The following CACNA2D2 variants were observed in gnomAD, a reference collection of about 807,000 sequenced individuals.
The protein encoded by CACNA2D2 is voltage-dependent calcium channel subunit alpha-2/delta-2.
In CACNA2D2, 48 loss-of-function variants were observed where a neutral mutation model predicts 166.4. The observed-to-expected ratio is 0.29, with a 90% CI of 0.23 to 0.37. CACNA2D2 has a LOEUF of 0.37. Among genes scored for constraint, CACNA2D2 ranks in the 10% least tolerant of loss-of-function variants. The probability of loss-of-function intolerance (pLI) is 1.00; values close to 1 mark genes in which losing one functional copy is unlikely to be tolerated. For synonymous variants in CACNA2D2, 561 were observed against 573.7 expected (o/e 0.98, Z 0.32); for missense variants, 1,122 against 1,433.0 (o/e 0.78, Z 3.50).
intron 2 of CACNA2D2, among the ~76,000 whole-genome samples, chr3:50,442,790 G>C (rs890382949): frequency 2.6e-5 from 4 of 152,180 alleles, no homozygotes; most frequent in African/African-American, 4.8e-5. Flanking sequence ...GGGGTAGAGG[G>C]AGGAGGGCAT....
intron 2 of CACNA2D2, among the ~76,000 whole-genome samples, chr3:50,438,261 G>A (rs531359245): frequency 1.2e-4 from 18 of 152,174 alleles, no homozygotes; most frequent in African/African-American, 4.3e-4. Context: ...CTCAGCTGGT[G>A]CCCTCCTCCC....
intron 3 of CACNA2D2, among the ~76,000 whole-genome samples, chr3:50,396,105 C>G (rs765151335): frequency 3.3e-5 from 5 of 152,222 alleles, no homozygotes; most frequent in African/African-American, 1.2e-4. Context: ...CTCCGTGATG[C>G]CTCCCATGTC....
intron 23 of CACNA2D2, among the ~76,000 whole-genome samples, chr3:50,369,088 C>T (rs987735292): frequency 6.6e-6 from 1 of 152,226 alleles, no homozygotes; most frequent in Non-Finnish European, 1.5e-5. Flanking sequence ...GGGTCTCAGG[C>T]CCCACTCTCT....
At chr3:50,454,705 T>A (rs575731997) in intron 2 of CACNA2D2, among the ~76,000 whole-genome samples, 5 of 149,186 alleles carry the variant, frequency 3.4e-5, no homozygotes, top group South Asian at 2.1e-4. Flanking sequence ...TAAAAAAAAA[T>A]TTTTTTTTTG....
At chr3:50,421,508 C>A (rs180771493) in intron 3 of CACNA2D2, among the ~76,000 whole-genome samples, 7 of 152,156 alleles carry the variant, frequency 4.6e-5, no homozygotes, top group African/African-American at 1.4e-4. Flanking sequence ...TTACTACTAA[C>A]CTGCTGGGCC....
chr3:50,372,513 T>A (rs913479008), intron 22 of CACNA2D2, among the ~76,000 whole-genome samples: 4 of 152,162 alleles, frequency 2.6e-5, no homozygotes, highest in African/African-American at 9.7e-5. Flanking sequence ...GGCCCCAGCA[T>A]CAGGGCGTGA....
Position 50,379,616 on chromosome 3 carries a change from G to A in CACNA2D2, c.994-26C>T. 1.2e-6 allele frequency: 2 copies of A among 1,613,080 alleles called. No homozygotes were observed. The highest frequency in any genetic ancestry group is 1.7e-6 in the Non-Finnish European group (2 of 1,179,402). ...CTGCAGGAACAGTAGGGTGGTGAGTGGCCTCAGGCTGGCCGGGGTAGGCAG... is the reference window on the plus strand; with the variant it reads ...CTGCAGGAACAGTAGGGTGGTGAGTAGCCTCAGGCTGGCCGGGGTAGGCAG... On this transcript the variant is annotated intron_variant, in intron 10 of 37. Transcript: ENST00000424201. The surrounding 1 kb of genome is among the most constrained non-coding windows in gnomAD (Gnocchi z 6.5).
In CACNA2D2 at chr3:50,477,270, T is replaced by C. The variant is rs553347708; in HGVS notation, c.207-1071A>G. ...TAACCCATTTCCATCTCAGCTTCCT[T>C]CTCTGGAATACGGGGATAATTTGGG... On this transcript the variant is annotated intron_variant, in intron 1 of 37. Coordinates refer to ENST00000424201, the MANE Select transcript of CACNA2D2 (RefSeq NM_006030.4). 5.9e-5 allele frequency among the ~76,000 whole-genome samples: 9 copies of C among 152,246 alleles called. No homozygotes were observed. The South Asian group carries it at 1.9e-3, about 32-fold the overall frequency.
chr3:50,485,237 T>C (rs1477836496), intron 1 of CACNA2D2, among the ~76,000 whole-genome samples: 1 of 152,072 alleles, frequency 6.6e-6, no homozygotes. Context: ...CTCACCCCCA[T>C]GGAGCTCTCT....
In CACNA2D2 at chr3:50,365,144, A is replaced by T; in HGVS notation, c.3139T>A (p.Phe1047Ile). ...CACAGCGGCTTCTCGGCCACCACAAAGAGAAGATTGGTGTTGGTCAGTCTC... is the reference window on the plus strand; with the variant it reads ...CACAGCGGCTTCTCGGCCACCACAATGAGAAGATTGGTGTTGGTCAGTCTC... ...AQRLTNTNLL[F>I]VVAEKPLCSQ... Residue 1047 changes from phenylalanine (F) to isoleucine (I), a missense_variant, in exon 36 of 38, where the codon TTT becomes ATT. By Grantham distance (21) the Phe-to-Ile change is conservative. Around this residue, in one of 2 missense-constraint regions of CACNA2D2, gnomAD observed 282 missense variants for 266.2 expected, o/e 1.06. Coordinates refer to ENST00000424201, the MANE Select transcript of CACNA2D2 (RefSeq NM_006030.4). This position sits in a 1 kb window ranked among gnomAD's most constrained non-coding sequence, Gnocchi z 4.5. 1 of 1,612,138 alleles carries T rather than the reference A, an allele frequency of 6.2e-7. No homozygotes were observed. The highest frequency in any genetic ancestry group is 8.5e-7 in the Non-Finnish European group (1 of 1,179,712).
At chr3:50,482,063 T>C (rs1295800810) in intron 1 of CACNA2D2, among the ~76,000 whole-genome samples, 3 of 152,196 alleles carry the variant, frequency 2.0e-5, no homozygotes, top group Non-Finnish European at 4.4e-5. Flanking sequence ...ACTGGCCTGT[T>C]ACCTCCCACC....
chr3:50,434,708 C>T (rs1708228286), intron 2 of CACNA2D2, among the ~76,000 whole-genome samples: 1 of 152,210 alleles, frequency 6.6e-6, no homozygotes, highest in Admixed American at 6.5e-5. Flanking sequence ...CTCTGGGCCT[C>T]AGGGCCCCCC....
rs908752638 is a variant in CACNA2D2 at position 50,381,266 on chromosome 3, G to A, written c.653-140C>T. On this transcript the variant is annotated intron_variant, in intron 6 of 37. Coordinates refer to ENST00000424201, the MANE Select transcript of CACNA2D2 (RefSeq NM_006030.4). ...TATCCAGGCCCTCCCTATTTCCTAGGGCCCAGCTGGGGCTGCCCCAGCTCC... is the reference window on the plus strand; with the variant it reads ...TATCCAGGCCCTCCCTATTTCCTAGAGCCCAGCTGGGGCTGCCCCAGCTCC... The A allele has an allele frequency of 3.2e-6, 3 of 934,790 alleles. No individual in the cohort carries two copies. The East Asian group carries it at 7.5e-5, about 23-fold the overall frequency. 57.9% of individuals were successfully genotyped at this position (934,790 alleles called of 1,614,324 possible). A position where few individuals can be genotyped will look rare whatever the true frequency, so the allele number is the denominator to read the frequency against.
intron 6 of CACNA2D2, among the ~76,000 whole-genome samples, chr3:50,381,589 A>G (rs912463572): frequency 6.7e-6 from 1 of 149,676 alleles, no homozygotes; most frequent in East Asian, 2.0e-4. Context: ...AAGTTACCTG[A>G]TAAGCTGGAA....
chr3:50,493,614 G>A (rs1698605365), intron 1 of CACNA2D2, among the ~76,000 whole-genome samples: 1 of 152,214 alleles, frequency 6.6e-6, no homozygotes, highest in Non-Finnish European at 1.5e-5. Flanking sequence ...AGGGGATAAA[G>A]GGCCCACCAT....
Position 50,488,183 on chromosome 3 carries a change from G to A in CACNA2D2, c.207-11984C>T, listed in dbSNP as rs113150544. Among the ~76,000 whole-genome samples, 978 of 152,280 alleles carry A rather than the reference G, an allele frequency of 6.4e-3. 7 individuals carry two copies. The highest frequency in any genetic ancestry group is 0.022 in the African/African-American group (914 of 41,554). On this transcript the variant is annotated intron_variant, in intron 1 of 37. Coordinates refer to ENST00000424201, the MANE Select transcript of CACNA2D2 (RefSeq NM_006030.4). Reference sequence around the variant, plus strand: ...AGCAGTGGGCTCCACACACAGTGATGCCCCGTGAGCACCCACAGACCGACC... The same window carrying A: ...AGCAGTGGGCTCCACACACAGTGATACCCCGTGAGCACCCACAGACCGACC...
rs373375100 is a variant in CACNA2D2, at chr3:50,377,983, C to T, written c.1479+25G>A. 1.1e-5 allele frequency: 17 copies of T among 1,605,504 alleles called. No individual in the cohort carries two copies. The African/African-American group carries it at 1.9e-4, about 18-fold the overall frequency. On this transcript the variant is annotated intron_variant, in intron 15 of 37. Transcript: ENST00000424201. ...CTCCGGGGGAAGGGTGCCAGCCCCACCCCTTCCTTGTCCAGAGGCCTTACC... is the reference window on the plus strand; with the variant it reads ...CTCCGGGGGAAGGGTGCCAGCCCCATCCCTTCCTTGTCCAGAGGCCTTACC...
At chr3:50,478,491 G>A (rs1156832802) in intron 1 of CACNA2D2, among the ~76,000 whole-genome samples, 3 of 152,236 alleles carry the variant, frequency 2.0e-5, no homozygotes, top group Admixed American at 6.5e-5. Flanking sequence ...CACTGGTGTA[G>A]AGAACAAAAT....
chr3:50,476,041 C>A, intron 2 of CACNA2D2, 77 bp downstream of exon 2: 1 of 1,292,504 alleles, frequency 7.7e-7, no homozygotes, highest in Non-Finnish European at 1.1e-6. Flanking sequence ...AAATCTTCCT[C>A]ACTCCTTATT....
Sources: allele counts gnomAD v4.1 joint callset (sites outside exome capture counted in the v4.1 genomes callset), GRCh38; gene constraint gnomAD v4.1.1; regional missense constraint gnomAD v4.1.1; non-coding constraint Gnocchi (gnomAD v3.1); transcripts MANE v1.5; gene names NCBI Gene and HGNC (gene_info 2026-07-23, HGNC 2026-07-21).